PRKCA: variants seen among roughly 807,000 people sequenced by gnomAD.
PRKCA encodes the protein protein kinase C alpha, also known as protein kinase C alpha type.
Under a neutral mutation model 87.0 loss-of-function variants are expected in PRKCA, and 27 were observed. The observed-to-expected ratio is 0.31, with a 90% CI of 0.23 to 0.43. PRKCA has a LOEUF of 0.43. Among genes scored for constraint, PRKCA ranks in the 20% least tolerant of loss-of-function variants. PRKCA has a pLI of 1.00. For synonymous variants in PRKCA, 329 were observed against 311.1 expected, an observed-to-expected ratio of 1.06 and a Z score of -0.61; for missense variants, 518 against 852.3, an observed-to-expected ratio of 0.61 and a Z score of 4.88.
chr17:66,469,171 C>T (rs1598698796), intron 2 of PRKCA, among the ~76,000 whole-genome samples: 1 of 152,306 alleles, frequency 6.6e-6, no homozygotes, highest in East Asian at 1.9e-4. Flanking sequence ...CACTGGGGCA[C>T]CCTCCTCTAC....
intron 3 of PRKCA, among the ~76,000 whole-genome samples, chr17:66,611,261 A>C (rs1216286594): frequency 1.3e-5 from 2 of 152,174 alleles, no homozygotes; most frequent in Non-Finnish European, 2.9e-5. Context: ...GTATGCCTAG[A>C]GTTGTACAAA....
chr17:66,657,135 T>C (rs1181130783), intron 5 of PRKCA, among the ~76,000 whole-genome samples: 1 of 152,132 alleles, frequency 6.6e-6, no homozygotes, highest in African/African-American at 2.4e-5. Context: ...AATATCCCCA[T>C]TTGAATAGGG....
At chr17:66,418,680 T>C (rs1912312118) in intron 2 of PRKCA, among the ~76,000 whole-genome samples, 1 of 152,022 alleles carries the variant, frequency 6.6e-6, no homozygotes, top group African/African-American at 2.4e-5. Context: ...CAAGTGATCT[T>C]CCAGCCCCAG....
At chr17:66,475,754 A>G (rs1915510255) in intron 2 of PRKCA, among the ~76,000 whole-genome samples, 2 of 152,142 alleles carry the variant, frequency 1.3e-5, no homozygotes, top group African/African-American at 2.4e-5. Context: ...TGCACATTGT[A>G]GGAACTGATT....
chr17:66,582,448 A>G (rs113657570), intron 3 of PRKCA, among the ~76,000 whole-genome samples: 4 of 152,264 alleles, frequency 2.6e-5, no homozygotes, highest in African/African-American at 7.2e-5. Context: ...GGTTCCCCCC[A>G]TGCTGTTCTC....
At chr17:66,603,386 C>A (rs9894671) in intron 3 of PRKCA, among the ~76,000 whole-genome samples, 7,752 of 152,242 alleles carry the variant, frequency 0.051, 682 homozygotes, top group African/African-American at 0.17. Context: ...AAATAAATCT[C>A]ATTTGTGTTT....
chr17:66,556,323 CTTTTTT>C (rs61549626), intron 3 of PRKCA, among the ~76,000 whole-genome samples: 2 of 129,006 alleles, frequency 1.6e-5, no homozygotes, highest in African/African-American at 5.7e-5. Flanking sequence ...CTTTCTTCTT[CTTTTTT>C]TTTTTTTTTT....
intron 11 of PRKCA, among the ~76,000 whole-genome samples, chr17:66,739,939 GC>G (rs903383242): frequency 6.6e-5 from 10 of 152,252 alleles, no homozygotes; most frequent in Admixed American, 5.9e-4. Flanking sequence ...AGAGGCTGGT[GC>G]AGGCGCTGGT....
chr17:66,545,263 CT>C (rs1968112697), intron 3 of PRKCA, among the ~76,000 whole-genome samples: 1 of 151,912 alleles, frequency 6.6e-6, no homozygotes, highest in Non-Finnish European at 1.5e-5. Flanking sequence ...CCCGCCTCTA[CT>C]AAAAAATACA....
intron 5 of PRKCA, among the ~76,000 whole-genome samples, chr17:66,680,842 G>A (rs1456820447): frequency 6.6e-6 from 1 of 152,178 alleles, no homozygotes; most frequent in African/African-American, 2.4e-5. Flanking sequence ...CAGCAGTGTT[G>A]CCACCGATCT....
chr17:66,485,872 A>G (rs1294469758), intron 2 of PRKCA, among the ~76,000 whole-genome samples: 1 of 152,168 alleles, frequency 6.6e-6, no homozygotes, highest in Non-Finnish European at 1.5e-5. Flanking sequence ...CAGACTGAAA[A>G]ATAAAAACCT....
intron 5 of PRKCA, chr17:66,677,552 A>G (rs1040796460): frequency 1.2e-4 from 19 of 152,402 alleles, no homozygotes; most frequent in Admixed American, 5.2e-4. Context: ...GCTATCTCCT[A>G]TTCCACACTA....
intron 2 of PRKCA, among the ~76,000 whole-genome samples, chr17:66,411,652 A>G (rs1911813667): frequency 6.6e-6 from 1 of 152,192 alleles, no homozygotes; most frequent in Non-Finnish European, 1.5e-5. Context: ...CGAATGGTGC[A>G]AAAGCAGAGG....
chr17:66,656,428 T>G (rs1332722533), intron 5 of PRKCA, among the ~76,000 whole-genome samples: 8 of 152,224 alleles, frequency 5.3e-5, no homozygotes, highest in Admixed American at 2.0e-4. Flanking sequence ...ACATTGATAT[T>G]GACTGAGCAG....
intron 5 of PRKCA, among the ~76,000 whole-genome samples, chr17:66,658,508 A>G (rs1396594835): frequency 2.0e-5 from 3 of 151,868 alleles, no homozygotes; most frequent in African/African-American, 7.3e-5. Context: ...AACAACAACA[A>G]CAACAACAAC....
At chr17:66,452,486 A>G (rs1326345578) in intron 2 of PRKCA, among the ~76,000 whole-genome samples, 2 of 152,214 alleles carry the variant, frequency 1.3e-5, no homozygotes, top group Admixed American at 1.3e-4. Context: ...GCCGAAATTT[A>G]TCTTGGGGTT....
At chr17:66,468,566 A>G (rs1056871979) in intron 2 of PRKCA, among the ~76,000 whole-genome samples, 4 of 152,124 alleles carry the variant, frequency 2.6e-5, no homozygotes, top group African/African-American at 9.7e-5. Flanking sequence ...TCTTGTTCCC[A>G]ACATATTTGT....
intron 8 of PRKCA, among the ~76,000 whole-genome samples, chr17:66,731,493 T>A (rs1303450096): frequency 6.6e-6 from 1 of 152,160 alleles, no homozygotes; most frequent in Non-Finnish European, 1.5e-5. Context: ...CTCCTTCCCG[T>A]CAGGCAGATG....
At chr17:66,654,420 A>AG (rs1555631731) in intron 5 of PRKCA, among the ~76,000 whole-genome samples, 26,759 of 151,726 alleles carry the variant, frequency 0.18, 2,534 homozygotes, top group Middle Eastern at 0.23. Context: ...TATCATCATC[A>AG]CCAGCAGCAG....
Sources: allele counts gnomAD v4.1 joint callset (sites outside exome capture counted in the v4.1 genomes callset), GRCh38; gene constraint gnomAD v4.1.1; transcripts MANE v1.5; gene names NCBI Gene and HGNC (gene_info 2026-07-23, HGNC 2026-07-21).